ADGRG7: variants seen among roughly 807,000 people sequenced by gnomAD.
ADGRG7 encodes G-protein coupled receptor 128.
ADGRG7 carries 82 observed loss-of-function variants against 88.6 expected under a neutral mutation model. The ratio of observed to expected loss-of-function variants is 0.93; its 90% CI spans 0.77 to 1.11. The LOEUF is 1.11. ADGRG7 is among the 50% of genes most tolerant of loss of function. ADGRG7 has a pLI of 0.00. For missense variants in ADGRG7, 945 were observed against 953.4 expected (o/e 0.99, Z 0.12); for synonymous variants, 381 against 345.2 (o/e 1.10, Z -1.15).
At chr3:100,622,327 G>T (rs1225377979) in intron 1 of ADGRG7, among the ~76,000 whole-genome samples, 1 of 140,290 alleles carries the variant, frequency 7.1e-6, no homozygotes, top group Non-Finnish European at 1.5e-5. Context: ...TTGTTGAAAA[G>T]ACTATCCTCT....
chr3:100,626,663 T>C (rs1707384811), intron 1 of ADGRG7, among the ~76,000 whole-genome samples: 1 of 152,148 alleles, frequency 6.6e-6, no homozygotes, highest in Admixed American at 6.5e-5. Context: ...CATGTGCCCG[T>C]AGTCCCAGCT....
intron 15 of ADGRG7, among the ~76,000 whole-genome samples, chr3:100,684,257 C>CTATCTATT (rs146037474): frequency 2.3e-4 from 33 of 145,338 alleles, no homozygotes; most frequent in East Asian, 3.9e-4. Flanking sequence ...TCCATTTTAT[C>CTATCTATT]TATTTATTTA....
chr3:100,610,062 T>G (rs1707125369), intron 1 of ADGRG7, 91 bp downstream of exon 1: 1 of 1,022,522 alleles, frequency 9.8e-7, no homozygotes, highest in African/African-American at 1.6e-5. Flanking sequence ...GGGAGGTACC[T>G]TGTCCAGTCT....
chr3:100,609,877 G>A lies in ADGRG7; in HGVS notation c.21G>A (p.Trp7Ter). The change falls in exon 1 of 16, where the codon TGG becomes TGA. Residue 7 changes from tryptophan (W) to a stop codon, truncating the protein, a stop_gained. Coordinates refer to ENST00000273352, the MANE Select transcript of ADGRG7 (RefSeq NM_032787.3). LOFTEE classifies it high-confidence loss of function. ...TCACCATGGCTTCCTGCCGTGCCTG[G>A]AACCTTAGGGTGCTGGTGGCTGTCG... MASCRA[W>*]NLRVLVAVVC... 1.2e-6 allele frequency: 2 copies of A among 1,613,960 alleles called. No individual in the cohort carries two copies. The highest frequency in any genetic ancestry group is 1.7e-6 in the Non-Finnish European group (2 of 1,179,868).
At chr3:100,668,038 A>G (rs775309180) in intron 14 of ADGRG7, among the ~76,000 whole-genome samples, 4 of 152,232 alleles carry the variant, frequency 2.6e-5, no homozygotes, top group Admixed American at 1.3e-4. Context: ...GTAGGGGAGA[A>G]AATTCCCCAA....
intron 1 of ADGRG7, among the ~76,000 whole-genome samples, chr3:100,626,569 G>A (rs908059357): frequency 3.9e-5 from 6 of 152,098 alleles, no homozygotes; most frequent in Admixed American, 1.3e-4. Flanking sequence ...GGCGGATCGT[G>A]AGGTCAGGAG....
At chr3:100,628,017 C>T (rs1016985976) in intron 1 of ADGRG7, among the ~76,000 whole-genome samples, 2 of 151,972 alleles carry the variant, frequency 1.3e-5, no homozygotes, top group Admixed American at 6.6e-5. Flanking sequence ...TCTACACAAA[C>T]TTTGAGTTTC....
rs1374208342 is a variant in ADGRG7, at chr3:100,637,330, G to A, written c.626G>A (p.Ser209Asn). 6.2e-7 allele frequency: 1 copy of A among 1,613,800 alleles called. No individual in the cohort carries two copies. The highest frequency in any genetic ancestry group is 8.5e-7 in the Non-Finnish European group (1 of 1,179,804). Residue 209 changes from serine (S) to asparagine (N), a missense_variant, in exon 6 of 16, where the codon AGT becomes AAT. Ser to Asn is a conservative substitution (Grantham distance 46). Transcript: ENST00000273352. Reference sequence around the variant, plus strand: ...AAGAAAGTTGCCATAGTAACAGTGAGTCAACTCCTAGATGCCAGTGAAGAT... The same window carrying A: ...AAGAAAGTTGCCATAGTAACAGTGAATCAACTCCTAGATGCCAGTGAAGAT... ...EAKKVAIVTV[S>N]QLLDASEDAF...
chr3:100,622,929 T>G (rs888734761), intron 1 of ADGRG7, among the ~76,000 whole-genome samples: 2 of 91,028 alleles, frequency 2.2e-5, no homozygotes, highest in African/African-American at 7.5e-5. Context: ...TTTGTTTTTG[T>G]TTTTTTTTTT....
At chr3:100,681,320 C>CT (rs886390224) in intron 15 of ADGRG7, among the ~76,000 whole-genome samples, 5 of 88,970 alleles carry the variant, frequency 5.6e-5, no homozygotes, top group South Asian at 7.7e-4. Flanking sequence ...TTTTTTTTTT[C>CT]TTTTTTTTGA....
At chr3:100,624,094 G>A (rs765678529) in intron 1 of ADGRG7, among the ~76,000 whole-genome samples, 1 of 152,086 alleles carries the variant, frequency 6.6e-6, no homozygotes, top group African/African-American at 2.4e-5. Flanking sequence ...TCTGGTACTA[G>A]ATCCTTGAGG....
intron 4 of ADGRG7, among the ~76,000 whole-genome samples, chr3:100,634,719 T>C (rs1707508112): frequency 6.6e-6 from 1 of 152,220 alleles, no homozygotes; most frequent in South Asian, 2.1e-4. Flanking sequence ...AACCAGTGTT[T>C]GGTTCTTAGC....
chr3:100,618,620 C>G (rs1021515702), intron 1 of ADGRG7, among the ~76,000 whole-genome samples: 28 of 152,152 alleles, frequency 1.8e-4, no homozygotes, highest in African/African-American at 6.3e-4. Context: ...GTTACTGTAG[C>G]CTTGTAGTAT....
chr3:100,617,948 G>A (rs1707248735), intron 1 of ADGRG7, among the ~76,000 whole-genome samples: 1 of 152,290 alleles, frequency 6.6e-6, no homozygotes, highest in Middle Eastern at 3.4e-3. Context: ...GTTTTGATTT[G>A]CATTTCTCTG....
At chr3:100,649,431 C>G (rs536702276) in intron 10 of ADGRG7, among the ~76,000 whole-genome samples, 1 of 152,286 alleles carries the variant, frequency 6.6e-6, no homozygotes, top group South Asian at 2.1e-4. Context: ...AAACCAGTCC[C>G]CCTGCAAATA....
chr3:100,632,209 A>G (rs567037290), intron 3 of ADGRG7, among the ~76,000 whole-genome samples: 126 of 152,236 alleles, frequency 8.3e-4, no homozygotes, highest in Non-Finnish European at 7.8e-4. Flanking sequence ...TGTTTAATAT[A>G]TATTAATTCT....
rs572756564 is a variant in ADGRG7, at chr3:100,688,738, C to G, written c.2137-6006C>G. 3.5e-3 allele frequency among the ~76,000 whole-genome samples: 532 copies of G among 152,148 alleles called. 5 individuals carry two copies. Among genetic ancestry groups the G allele is most frequent in the Non-Finnish European group, 5.1e-3 (345 of 67,976 alleles). ...CTAGTTTGATTGCACTGTGGTCTGA[C>G]AGACAGTTTGTTATAATTTCTGTTC... On this transcript the variant is annotated intron_variant, in intron 15 of 15. Transcript: ENST00000273352.
At chr3:100,612,680 C>A (rs113546916) in intron 1 of ADGRG7, among the ~76,000 whole-genome samples, 2 of 152,116 alleles carry the variant, frequency 1.3e-5, no homozygotes, top group African/African-American at 2.4e-5. Context: ...CTTACTTGAC[C>A]ATATTCTACA....
chr3:100,611,972 A>AT lies in ADGRG7; in HGVS notation c.115+2008dup, dbSNP rs556706982. Among the ~76,000 whole-genome samples the AT allele has an allele frequency of 3.3e-5, 5 of 152,162 alleles. No homozygotes were observed. In the South Asian group the frequency reaches 1.0e-3, roughly 32 times the overall value. On this transcript the variant is annotated intron_variant, in intron 1 of 15. Transcript: ENST00000273352. The stretch of plus-strand genomic sequence containing the variant: ...AGGTATAGACATAAATTGTTTTTAC[A>AT]TTTTTTTAAGGGGGAGAGAGGTCAC...
Sources: gnomAD v4.1 joint callset for allele counts (sites outside exome capture counted in the v4.1 genomes callset) on GRCh38, gnomAD v4.1.1 for gene constraint, MANE v1.5 for transcripts, NCBI Gene and HGNC (gene_info 2026-07-23, HGNC 2026-07-21) for gene names.